Variants in FOXJ3 observed in about 807,000 individuals in gnomAD.
FOXJ3 encodes forkhead box J3, also known as forkhead box protein J3.
Under a neutral mutation model 76.1 loss-of-function variants are expected in FOXJ3, and 22 were observed. The observed-to-expected ratio is 0.29, with a 90% CI of 0.21 to 0.41. The LOEUF is 0.41. FOXJ3 is among the 10% of genes least tolerant of loss of function. FOXJ3 has a pLI of 1.00. For synonymous variants in FOXJ3, 269 were observed against 261.2 expected, an observed-to-expected ratio of 1.03 and a Z score of -0.29; for missense variants, 613 against 762.1, an observed-to-expected ratio of 0.80 and a Z score of 2.30.
At chr1:42,330,899 T>C (rs1656119797) in intron 1 of FOXJ3, among the ~76,000 whole-genome samples, 1 of 152,084 alleles carries the variant, frequency 6.6e-6, no homozygotes, top group Non-Finnish European at 1.5e-5. Flanking sequence ...GAGATCAAAT[T>C]AGAGAATGTA....
At chr1:42,221,092 C>T (rs757300575) in intron 5 of FOXJ3, among the ~76,000 whole-genome samples, 21 of 152,120 alleles carry the variant, frequency 1.4e-4, no homozygotes, top group Non-Finnish European at 2.6e-4. Flanking sequence ...TTTTTAATTG[C>T]TTTAATGCTT....
chr1:42,207,371 C>T lies in FOXJ3; in HGVS notation c.529-1508G>A, dbSNP rs764791215. ...ACTGAACGATCCCCTAAATATACCT[C>T]ATATGTACTGTTTAGAGTTAACATG... On this transcript the variant is annotated intron_variant, in intron 5 of 12. Coordinates refer to ENST00000361346, the MANE Select transcript of FOXJ3 (RefSeq NM_014947.5). Among the ~76,000 whole-genome samples, 36 of 152,308 alleles carry T rather than the reference C, an allele frequency of 2.4e-4. 1 individual carries two copies. The highest frequency in any genetic ancestry group is 3.4e-3 in the Middle Eastern group (1 of 294).
Position 42,191,739 on chromosome 1 carries a change from A to G in FOXJ3, c.935-20T>C, listed in dbSNP as rs1229724162. ...TCAAACCTAAAAACAAAGCAAGATCATTTATGGTCAGATTTCAGTTGTATT... is the reference window on the plus strand; with the variant it reads ...TCAAACCTAAAAACAAAGCAAGATCGTTTATGGTCAGATTTCAGTTGTATT... On this transcript the variant is annotated intron_variant, in intron 8 of 12. Transcript: ENST00000361346. 1.3e-6 allele frequency: 2 copies of G among 1,599,360 alleles called. No individual in the cohort carries two copies. Among genetic ancestry groups the G allele is most frequent in the Middle Eastern group, 1.7e-4 (1 of 6,018 alleles).
chr1:42,285,432 G>A (rs1226862630), intron 2 of FOXJ3, among the ~76,000 whole-genome samples: 1 of 151,944 alleles, frequency 6.6e-6, no homozygotes, highest in Non-Finnish European at 1.5e-5. Context: ...AAGTGTCTGG[G>A]CAGGTCCTTT....
chr1:42,214,341 G>C (rs1313159072), intron 5 of FOXJ3, among the ~76,000 whole-genome samples: 1 of 152,092 alleles, frequency 6.6e-6, no homozygotes, highest in Non-Finnish European at 1.5e-5. Context: ...AGTCTGATCG[G>C]TAAAGCCAAT....
At chr1:42,272,628 T>A (rs1425610897) in intron 3 of FOXJ3, among the ~76,000 whole-genome samples, 1 of 152,208 alleles carries the variant, frequency 6.6e-6, no homozygotes, top group African/African-American at 2.4e-5. Context: ...CTATTTCTTT[T>A]TCTTCCCATT....
At chr1:42,189,259 G>A (rs1269809637) in intron 10 of FOXJ3, 44 bp downstream of exon 10, 10 of 1,146,534 alleles carry the variant, frequency 8.7e-6, no homozygotes, top group Non-Finnish European at 1.2e-5. Context: ...AGAGAAACAG[G>A]ATCATGTGTA....
chr1:42,191,666 A>G lies in FOXJ3; in HGVS notation c.988T>C (p.Tyr330His), dbSNP rs770808517. 1 of 1,614,150 alleles carries G rather than the reference A, an allele frequency of 6.2e-7. No individual in the cohort carries two copies. Among genetic ancestry groups the G allele is most frequent in the South Asian group, 1.1e-5 (1 of 91,086 alleles). Residue 330 changes from tyrosine (Y) to histidine (H), a missense_variant, in exon 9 of 13, where the codon TAT (tyrosine) becomes CAT (histidine). Transcript: ENST00000361346. Reference sequence around the variant, plus strand: ...ACTGTACTGCTGGGAGAGTGCTGATAGGTACATGAAGTGTGGGACTGCTGG... The same window carrying G: ...ACTGTACTGCTGGGAGAGTGCTGATGGGTACATGAAGTGTGGGACTGCTGG... Reference protein sequence around the residue: ...SSQQSHTSCTYQHSPSSTVST... With the variant: ...SSQQSHTSCTHQHSPSSTVST...
intron 3 of FOXJ3, among the ~76,000 whole-genome samples, chr1:42,271,676 G>T (rs1479853545): frequency 6.6e-6 from 1 of 151,998 alleles, no homozygotes; most frequent in Non-Finnish European, 1.5e-5. Flanking sequence ...TGGAGACAGG[G>T]TCTCGCTCTG....
chr1:42,257,357 G>C (rs919149511), intron 4 of FOXJ3, among the ~76,000 whole-genome samples: 3 of 152,216 alleles, frequency 2.0e-5, no homozygotes, highest in Non-Finnish European at 1.5e-5. Flanking sequence ...AAGTAGAAGA[G>C]AGCAAACAAA....
chr1:42,179,690 G>A lies in FOXJ3; in HGVS notation c.*20C>T, dbSNP rs1468849803. ...CACAGAAAGGTAACGTTAGGGTCTG[G>A]TGTCTTGCAGAAACAAGCCCTACAC... On this transcript the variant is annotated 3_prime_UTR_variant, in exon 13 of 13. Transcript: ENST00000361346. 13 of 1,439,818 alleles carry A rather than the reference G, an allele frequency of 9.0e-6. No individual in the cohort carries two copies. Among genetic ancestry groups the A allele is most frequent in the Non-Finnish European group, 1.2e-5 (12 of 1,021,182 alleles). 89.2% of individuals were successfully genotyped at this position (1,439,818 alleles called of 1,614,324 possible). A position where few individuals can be genotyped will look rare whatever the true frequency, so the allele number is the denominator to read the frequency against.
rs1455646602 is a variant in FOXJ3 at position 42,195,075 on chromosome 1, A to G, written c.760-11T>C. ...TGGATGGCTTGTCACCTAACATTAA[A>G]AGAAAACACAACTAATTCAGCCTCT... On this transcript the variant is annotated splice_polypyrimidine_tract_variant and intron_variant, in intron 7 of 12. Coordinates refer to ENST00000361346, the MANE Select transcript of FOXJ3 (RefSeq NM_014947.5). 3.8e-6 allele frequency: 6 copies of G among 1,584,844 alleles called. No individual in the cohort carries two copies. Among genetic ancestry groups the G allele is most frequent in the Non-Finnish European group, 5.1e-6 (6 of 1,168,868 alleles).
At chr1:42,235,038 T>C (rs1648489690) in intron 4 of FOXJ3, among the ~76,000 whole-genome samples, 1 of 152,202 alleles carries the variant, frequency 6.6e-6, no homozygotes, top group Admixed American at 6.5e-5. Context: ...CCTTGAGCTG[T>C]GGTGGGCTCC....
Position 42,199,198 on chromosome 1 carries a change from A to C in FOXJ3, c.663T>G (p.Ser221Arg). 1.9e-6 allele frequency: 3 copies of C among 1,612,962 alleles called. No homozygotes were observed. Among genetic ancestry groups the C allele is most frequent in the Non-Finnish European group, 2.5e-6 (3 of 1,178,976 alleles). ...VTLYNTDQDG[S>R]DSPRSSLNNS... ...TGTTAAGGCTACTGCGTGGGCTATC[A>C]CTACCATCCTGATCAGTGTTATACA... The change falls in exon 7 of 13, where the codon AGT (serine) becomes AGG (arginine). Residue 221 changes from serine (S) to arginine (R), a missense_variant. Coordinates refer to ENST00000361346, the MANE Select transcript of FOXJ3 (RefSeq NM_014947.5).
chr1:42,194,792 T>A lies in FOXJ3; in HGVS notation c.934+98A>T, dbSNP rs909540790. On this transcript the variant is annotated intron_variant, in intron 8 of 12. Transcript: ENST00000361346. ...TACCTGATTCTTATTGTGATGATAA[T>A]ATTCTAAGATTAAGAGTATAACAGC... 5.4e-6 allele frequency: 4 copies of A among 739,052 alleles called. No individual in the cohort carries two copies. In the East Asian group the frequency reaches 1.1e-4, roughly 20 times the overall value. The allele number at this position is 739,052 out of a possible 1,614,324, so 45.8% of individuals were successfully genotyped here.
At chr1:42,313,723 G>A (rs555092190) in intron 1 of FOXJ3, among the ~76,000 whole-genome samples, 41 of 152,276 alleles carry the variant, frequency 2.7e-4, no homozygotes, top group African/African-American at 9.4e-4. Context: ...ACACACTTTC[G>A]TGGGGAACCT....
chr1:42,199,139 T>C lies in FOXJ3; in HGVS notation c.722A>G (p.Asn241Ser). 6.2e-7 allele frequency: 1 copy of C among 1,613,796 alleles called. No homozygotes were observed. Among genetic ancestry groups the C allele is most frequent in the Non-Finnish European group, 8.5e-7 (1 of 1,179,704 alleles). The stretch of plus-strand genomic sequence containing the variant: ...ATGCACACTTCCAACACTGTTCAAA[T>C]TAACAGATGCCAAACTCTGGTCTGA... ...SLSDQSLASVNLNSVGSVHSY... is the reference protein window; with the variant it reads ...SLSDQSLASVSLNSVGSVHSY... Residue 241 changes from asparagine (N) to serine (S), a missense_variant, in exon 7 of 13, where the codon AAT becomes AGT. This residue lies in a region of FOXJ3 where 526 missense variants were observed against 601.4 expected (regional missense o/e 0.87). Coordinates refer to ENST00000361346, the MANE Select transcript of FOXJ3 (RefSeq NM_014947.5).
intron 4 of FOXJ3, among the ~76,000 whole-genome samples, chr1:42,255,995 C>G (rs891611015): frequency 1.3e-5 from 2 of 152,212 alleles, no homozygotes; most frequent in Admixed American, 1.3e-4. Context: ...GCATTCCAGC[C>G]TGAGCAACAG....
intron 1 of FOXJ3, among the ~76,000 whole-genome samples, chr1:42,312,898 C>T (rs1034224372): frequency 6.6e-6 from 1 of 152,168 alleles, no homozygotes; most frequent in Admixed American, 6.5e-5. Flanking sequence ...CAGTTCTTAA[C>T]CAAGAAAACT....
Sources: gnomAD v4.1 joint callset for allele counts (sites outside exome capture counted in the v4.1 genomes callset) on GRCh38, gnomAD v4.1.1 for gene constraint, gnomAD v4.1.1 regional missense constraint, MANE v1.5 for transcripts, NCBI Gene and HGNC (gene_info 2026-07-23, HGNC 2026-07-21) for gene names.